SHFL: variants seen among roughly 807,000 people sequenced by gnomAD.
SHFL encodes shiftless antiviral inhibitor of ribosomal frameshifting protein.
A neutral mutation model predicts 34.7 loss-of-function variants in SHFL; 12 were observed. That is an observed-to-expected ratio of 0.35 (90% CI 0.22 to 0.56). SHFL has a LOEUF of 0.56. Ranked by LOEUF, SHFL falls within the 20% of genes least tolerant of loss-of-function variation. The pLI, the probability that SHFL is intolerant of heterozygous loss-of-function variation, is 0.88. For synonymous variants in SHFL, 148 were observed against 156.0 expected (o/e 0.95, Z 0.38); for missense variants, 278 against 411.1 (o/e 0.68, Z 2.80).
intron 3 of SHFL, 73 bp downstream of exon 3, chr19:10,087,373 A>C (rs758231397): frequency 7.8e-5 from 119 of 1,522,190 alleles, no homozygotes; most frequent in Non-Finnish European, 9.6e-5. Flanking sequence ...CGACCCGTTC[A>C]TGGTGACTGA....
chr19:10,087,601 A>G, intron 3 of SHFL: 1 of 415,708 alleles, frequency 2.4e-6, no homozygotes, highest in East Asian at 5.2e-5. Flanking sequence ...AGGTCAGAGA[A>G]GGCTTACTGG....
At position 10,092,372 on chromosome 19, in the gene SHFL, C is replaced by T; in HGVS notation, c.*70C>T. 6.5e-7 allele frequency: 1 copy of T among 1,533,852 alleles called. No homozygotes were observed. Among genetic ancestry groups the T allele is most frequent in the Non-Finnish European group, 8.7e-7 (1 of 1,143,778 alleles). On this transcript the variant is annotated 3_prime_UTR_variant, in exon 8 of 8. Coordinates refer to ENST00000253110, the MANE Select transcript of SHFL (RefSeq NM_018381.4). ...TTTGTGTTATTATAAGATATGAGCT[C>T]AAACCGAGATATGAATGACCTTGGG...
rs1484009352 is a variant in SHFL at position 10,086,864 on chromosome 19, A to G, written c.22-65A>G. On this transcript the variant is annotated intron_variant, in intron 1 of 7. Coordinates refer to ENST00000253110, the MANE Select transcript of SHFL (RefSeq NM_018381.4). This position sits in a 1 kb window ranked among gnomAD's most constrained non-coding sequence, Gnocchi z 5.2. The stretch of plus-strand genomic sequence containing the variant: ...AGTTCGGGCCGGGAGAACGGTGCCT[A>G]GAGATGGGGGAGGGATGATCCCGTT... 4 of 1,580,568 alleles carry G rather than the reference A, an allele frequency of 2.5e-6. No homozygotes were observed. The Admixed American group carries it at 7.0e-5, about 28-fold the overall frequency.
Position 10,092,921 on chromosome 19 carries a change from A to C in SHFL, c.*619A>C. 1.5e-6 allele frequency: 1 copy of C among 665,088 alleles called. No homozygotes were observed. Among genetic ancestry groups the C allele is most frequent in the Admixed American group, 3.6e-5 (1 of 28,160 alleles). The allele number at this position is 665,088 out of a possible 1,614,324, so 41.2% of individuals were successfully genotyped here. ...AGCCCTGATCTTCCATCTCCTCAGC[A>C]AAAAAATAGGAGCCCTGGCCCCCCA... On this transcript the variant is annotated 3_prime_UTR_variant, in exon 8 of 8. Coordinates refer to ENST00000253110, the MANE Select transcript of SHFL (RefSeq NM_018381.4).
chr19:10,089,999 C>T lies in SHFL; in HGVS notation c.336C>T (p.Cys112=), dbSNP rs976207190. Reference sequence around the variant, plus strand: ...CTGCTGTGGACCGGCAGTTTGCCTGCTCCTCCTGCGACCACGTCTGGTGGC... The same window carrying T: ...CTGCTGTGGACCGGCAGTTTGCCTGTTCCTCCTGCGACCACGTCTGGTGGC... The part of the protein sequence containing the change: ...LIPAVDRQFA[C]SSCDHVWWRR... Residue 112 remains cysteine, a synonymous_variant, in exon 5 of 8, where the codon TGC becomes TGT. Transcript: ENST00000253110. The T allele has an allele frequency of 3.1e-6, 5 of 1,608,268 alleles. No individual in the cohort carries two copies. In the African/African-American group the frequency reaches 6.7e-5, roughly 22 times the overall value.
At chr19:10,090,079 C>G (rs1196642189) in intron 5 of SHFL, 32 bp downstream of exon 5, 1 of 1,580,400 alleles carries the variant, frequency 6.3e-7, no homozygotes, top group African/African-American at 1.4e-5. Context: ...TCGACTTTGA[C>G]TGTCCCGAAC....
In SHFL at chr19:10,090,275, C is replaced by G. The variant is rs2088357603; in HGVS notation, c.384+228C>G. ...ATACCTCCTTACCCCAGAACCTGACCCTTGACCCACAATTGAACAGCTACT... is the reference window on the plus strand; with the variant it reads ...ATACCTCCTTACCCCAGAACCTGACGCTTGACCCACAATTGAACAGCTACT... On this transcript the variant is annotated intron_variant, in intron 5 of 7. Coordinates refer to ENST00000253110, the MANE Select transcript of SHFL (RefSeq NM_018381.4). 4 of 567,832 alleles carry G rather than the reference C, an allele frequency of 7.0e-6. No individual in the cohort carries two copies. In the South Asian group the frequency reaches 8.4e-5, roughly 12 times the overall value. The allele number at this position is 567,832 out of a possible 1,614,324, so 35.2% of individuals were successfully genotyped here.
chr19:10,089,653 C>T lies in SHFL; in HGVS notation c.196-4C>T, dbSNP rs992042174. 5 of 1,592,106 alleles carry T rather than the reference C, an allele frequency of 3.1e-6. No homozygotes were observed. The African/African-American group carries it at 6.7e-5, about 21-fold the overall frequency. On this transcript the variant is annotated splice_region_variant and splice_polypyrimidine_tract_variant and intron_variant, in intron 3 of 7. Transcript: ENST00000253110. ...CAGTTTCTGCCCCTGCTATCTCCACCCAGGATCCACCAGAAGATATGAAGC... is the reference window on the plus strand; with the variant it reads ...CAGTTTCTGCCCCTGCTATCTCCACTCAGGATCCACCAGAAGATATGAAGC...
intron 3 of SHFL, chr19:10,088,029 G>A (rs970478720): frequency 1.3e-5 from 2 of 152,344 alleles, no homozygotes; most frequent in African/African-American, 2.4e-5. Flanking sequence ...GGGAGGCCGA[G>A]GCGGGCGGAT....
At chr19:10,088,733 G>A (rs954708242) in intron 3 of SHFL, among the ~76,000 whole-genome samples, 1 of 152,030 alleles carries the variant, frequency 6.6e-6, no homozygotes, top group African/African-American at 2.4e-5. Context: ...ATCACTTGAG[G>A]TCAGGAGTTC....
At chr19:10,090,584 G>A (rs1369571989) in intron 5 of SHFL, among the ~76,000 whole-genome samples, 9 of 151,420 alleles carry the variant, frequency 5.9e-5, no homozygotes, top group Admixed American at 5.9e-4. Context: ...ACAGGCCTGC[G>A]CCACCACACT....
In SHFL at chr19:10,091,993, G is replaced by T. The variant is rs377159932; in HGVS notation, c.644-77G>T. On this transcript the variant is annotated intron_variant, in intron 7 of 7. Transcript: ENST00000253110. The surrounding 1 kb of genome is among the most constrained non-coding windows in gnomAD (Gnocchi z 8.2). ...GGTCTCAGCTCCTCCCTAGAGCCCC[G>T]CGTGGCCTAAGTCCCCTCCTCCCCA... 7.0e-6 allele frequency: 11 copies of T among 1,578,344 alleles called. No homozygotes were observed. Among genetic ancestry groups the T allele is most frequent in the East Asian group, 6.7e-5 (3 of 44,700 alleles).
At chr19:10,090,362 C>G (rs926848199) in intron 5 of SHFL, 1 of 325,852 alleles carries the variant, frequency 3.1e-6, no homozygotes, top group African/African-American at 2.1e-5. Context: ...TTTTGGGAGG[C>G]TAAGTAGGGA....
chr19:10,087,242 C>A lies in SHFL; in HGVS notation c.146-9C>A. On this transcript the variant is annotated splice_polypyrimidine_tract_variant and intron_variant, in intron 2 of 7. Transcript: ENST00000253110. ...AGGGCCCTTCCCTTATATGCACTCT[C>A]CCCCGCAGGGGTAAAGCAAAAAGAT... is the stretch of plus-strand genomic sequence containing the variant. 2 of 1,613,984 alleles carry A rather than the reference C, an allele frequency of 1.2e-6. No homozygotes were observed. Among genetic ancestry groups the A allele is most frequent in the Non-Finnish European group, 1.7e-6 (2 of 1,179,858 alleles).
chr19:10,089,341 C>T (rs763008682), intron 3 of SHFL: 1 of 1,598,514 alleles, frequency 6.3e-7, no homozygotes, highest in South Asian at 1.1e-5. Context: ...GGCGATATGT[C>T]ACAACATCAA....
At chr19:10,092,049 G>T in intron 7 of SHFL, 21 bp from the exon 8 acceptor site, 7 of 1,613,718 alleles carry the variant, frequency 4.3e-6, no homozygotes, top group Non-Finnish European at 5.1e-6. Flanking sequence ...CCCCATGTCT[G>T]CAGCACCTCT....
Position 10,092,078 on chromosome 19 carries a change from G to C in SHFL, c.652G>C (p.Val218Leu). The C allele has an allele frequency of 6.2e-7, 1 of 1,613,780 alleles. No individual in the cohort carries two copies. The highest frequency in any genetic ancestry group is 2.2e-5 in the East Asian group (1 of 44,876). The change falls in exon 8 of 8, where the codon GTG (valine) becomes CTG (leucine). Residue 218 changes from valine to leucine, a missense_variant. This residue lies in a region of SHFL where 243 missense variants were observed against 386.2 expected (regional missense o/e 0.63). Transcript: ENST00000253110. ...ADCYNRREPH[V>L]PGTSCAHPKS... ...CACCTCTCCCTCCCTAGAGCCCCAC[G>C]TGCCTGGGACATCCTGTGCTCACCC...
chr19:10,090,644 T>C (rs1456223547), intron 5 of SHFL, among the ~76,000 whole-genome samples: 2 of 151,750 alleles, frequency 1.3e-5, no homozygotes, highest in African/African-American at 4.8e-5. Context: ...GGTTTTGCCA[T>C]GTTGCCCAAG....
chr19:10,091,418 C>T lies in SHFL; in HGVS notation c.489-58C>T. ...TACCCCAGCCCTGCCCCTCCCTGCC[C>T]TGGCCCCACCCTGGCCCAGCCTCGC... is the stretch of plus-strand genomic sequence containing the variant. On this transcript the variant is annotated intron_variant, in intron 6 of 7. Transcript: ENST00000253110. This position sits in a 1 kb window ranked among gnomAD's most constrained non-coding sequence, Gnocchi z 8.2. 6.4e-7 allele frequency: 1 copy of T among 1,564,052 alleles called. No individual in the cohort carries two copies. The highest frequency in any genetic ancestry group is 8.7e-7 in the Non-Finnish European group (1 of 1,150,180).
Sources: allele counts gnomAD v4.1 joint callset (sites outside exome capture counted in the v4.1 genomes callset), GRCh38; gene constraint gnomAD v4.1.1; regional missense constraint gnomAD v4.1.1; non-coding constraint Gnocchi (gnomAD v3.1); transcripts MANE v1.5; gene names NCBI Gene and HGNC (gene_info 2026-07-23, HGNC 2026-07-21).